The following KCNQ1 variants were observed in gnomAD, a reference collection of about 807,000 sequenced individuals.
KCNQ1 encodes potassium voltage-gated channel subfamily KQT member 1.
KCNQ1 carries 49 observed loss-of-function variants against 72.4 expected under a neutral mutation model. The observed-to-expected ratio is 0.68, with a 90% CI of 0.54 to 0.86. The LOEUF (loss-of-function observed/expected upper bound fraction) is 0.86, where lower values mean the gene tolerates loss of function less well. Ranked by LOEUF, KCNQ1 falls within the 40% of genes least tolerant of loss-of-function variation. The probability of loss-of-function intolerance (pLI) is 0.00; values close to 1 mark genes in which losing one functional copy is unlikely to be tolerated. For missense variants in KCNQ1, 790 were observed against 945.1 expected, an observed-to-expected ratio of 0.84 and a Z score of 2.15; for synonymous variants, 450 against 412.6, an observed-to-expected ratio of 1.09 and a Z score of -1.10.
rs888956599 is a variant in KCNQ1, at chr11:2,668,007, A to G, written c.1514+5926A>G. 5.0e-6 allele frequency: 2 copies of G among 398,562 alleles called. No homozygotes were observed. The highest frequency in any genetic ancestry group is 4.1e-5 in the African/African-American group (2 of 48,626). The allele number at this position is 398,562 out of a possible 1,614,324, so 24.7% of individuals were successfully genotyped here. On this transcript the variant is annotated intron_variant, in intron 11 of 15. Coordinates refer to ENST00000155840, the MANE Select transcript of KCNQ1 (RefSeq NM_000218.3). The surrounding 1 kb of genome is among the most constrained non-coding windows in gnomAD (Gnocchi z 4.3). ...TGTCACTGACCTTGAGATTAACCAC[A>G]GGCCTAACTGCTAGCAGCAAGGACC...
At chr11:2,610,717 T>A (rs1361204857) in intron 10 of KCNQ1, 2 of 42,798 alleles carry the variant, frequency 4.7e-5, no homozygotes, top group Non-Finnish European at 8.9e-5. Context: ...CTTGGTTGGC[T>A]TTTTTTTTTT....
chr11:2,800,099 C>T (rs2134023667), intron 15 of KCNQ1, among the ~76,000 whole-genome samples: 1 of 152,344 alleles, frequency 6.6e-6, no homozygotes, highest in South Asian at 2.1e-4. Flanking sequence ...TGAGCAGATG[C>T]AGACGTCCAC....
chr11:2,700,201 G>C (rs1850776953), intron 11 of KCNQ1, among the ~76,000 whole-genome samples: 1 of 152,208 alleles, frequency 6.6e-6, no homozygotes, highest in East Asian at 1.9e-4. Flanking sequence ...GGCCCAGCGG[G>C]TCCAGCGCCG....
rs146533937 is a variant in KCNQ1 at position 2,536,117 on chromosome 11, A to G, written c.477+8099A>G. 6.6e-3 allele frequency among the ~76,000 whole-genome samples: 1,009 copies of G among 152,298 alleles called. 6 individuals carry two copies. Among genetic ancestry groups the G allele is most frequent in the Non-Finnish European group, 0.011 (753 of 68,018 alleles). ...AGCCCCATGCACAGGCCACGCGGCG[A>G]CAGGGGCTGCTGAAGGAAGGCTGGT... On this transcript the variant is annotated intron_variant, in intron 2 of 15. Transcript: ENST00000155840. The surrounding 1 kb of genome is among the most constrained non-coding windows in gnomAD (Gnocchi z 7.4).
In KCNQ1 at chr11:2,759,891, G is replaced by C. The variant is rs1033971416; in HGVS notation, c.1515-8953G>C. 2.0e-5 allele frequency among the ~76,000 whole-genome samples: 3 copies of C among 152,142 alleles called. No homozygotes were observed. Among genetic ancestry groups the C allele is most frequent in the Admixed American group, 6.5e-5 (1 of 15,286 alleles). ...TGGACCCAAGCCCCAGGACCCCCTG[G>C]AGTCACCTCCAGCCCTCCCACATGC... On this transcript the variant is annotated intron_variant, in intron 11 of 15. Coordinates refer to ENST00000155840, the MANE Select transcript of KCNQ1 (RefSeq NM_000218.3). This position sits in a 1 kb window ranked among gnomAD's most constrained non-coding sequence, Gnocchi z 4.4.
chr11:2,525,291 C>T (rs939640732), intron 1 of KCNQ1, among the ~76,000 whole-genome samples: 1 of 152,256 alleles, frequency 6.6e-6, no homozygotes, highest in African/African-American at 2.4e-5. Context: ...TTCCAACCAA[C>T]CTTTGCTTGT....
rs563833531 is a variant in KCNQ1, at chr11:2,600,973, C to T, written c.1393+12119C>T. 3.0e-4 allele frequency among the ~76,000 whole-genome samples: 45 copies of T among 152,056 alleles called. No homozygotes were observed. The highest frequency in any genetic ancestry group is 9.9e-4 in the African/African-American group (41 of 41,480). On this transcript the variant is annotated intron_variant, in intron 10 of 15. Transcript: ENST00000155840. This position sits in a 1 kb window ranked among gnomAD's most constrained non-coding sequence, Gnocchi z 5.6. ...TTATTAACGATGTTATTTTGATCACCAAATTGAGGCCGTTATCCACTTTTC... is the reference window on the plus strand; with the variant it reads ...TTATTAACGATGTTATTTTGATCACTAAATTGAGGCCGTTATCCACTTTTC...
At chr11:2,485,523 C>A (rs919981458) in intron 1 of KCNQ1, among the ~76,000 whole-genome samples, 1 of 152,120 alleles carries the variant, frequency 6.6e-6, no homozygotes, top group South Asian at 2.1e-4. Context: ...TCTTTAATTG[C>A]GGTAAGATAC....
rs574795913 is a variant in KCNQ1, at chr11:2,508,965, G to C, written c.387-18963G>C. 6.6e-6 allele frequency among the ~76,000 whole-genome samples: 1 copy of C among 152,216 alleles called. No individual in the cohort carries two copies. Among genetic ancestry groups the C allele is most frequent in the Non-Finnish European group, 1.5e-5 (1 of 68,028 alleles). ...GTAGAGCTCCAGCTGGATGAGGGCC[G>C]TGGGGAAGGGGCACAGCCCTGGGCA... On this transcript the variant is annotated intron_variant, in intron 1 of 15. Transcript: ENST00000155840. This position sits in a 1 kb window ranked among gnomAD's most constrained non-coding sequence, Gnocchi z 6.2.
chr11:2,598,461 T>C lies in KCNQ1; in HGVS notation c.1393+9607T>C, dbSNP rs1848760680. 6.6e-6 allele frequency among the ~76,000 whole-genome samples: 1 copy of C among 152,226 alleles called. No homozygotes were observed. Among genetic ancestry groups the C allele is most frequent in the Non-Finnish European group, 1.5e-5 (1 of 68,030 alleles). On this transcript the variant is annotated intron_variant, in intron 10 of 15. Coordinates refer to ENST00000155840, the MANE Select transcript of KCNQ1 (RefSeq NM_000218.3). The surrounding 1 kb of genome is among the most constrained non-coding windows in gnomAD (Gnocchi z 6.2). Reference sequence around the variant, plus strand: ...TATGAAAATAACATCATTATTTTTGTAAATGCTCCACAGACCTCAGAAAAT... The same window carrying C: ...TATGAAAATAACATCATTATTTTTGCAAATGCTCCACAGACCTCAGAAAAT...
rs1180977393 is a variant in KCNQ1 at position 2,475,712 on chromosome 11, T to TG, written c.386+30234dup. On this transcript the variant is annotated intron_variant, in intron 1 of 15. Transcript: ENST00000155840. The surrounding 1 kb of genome is among the most constrained non-coding windows in gnomAD (Gnocchi z 5.8). ...TCCCTGTGTTGTGGGAGGGACCTGG[T>TG]GGGGGGTAATTGAATCACGGGGACG... Among the ~76,000 whole-genome samples, 2 of 152,174 alleles carry TG rather than the reference T, an allele frequency of 1.3e-5. No individual in the cohort carries two copies. Among genetic ancestry groups the TG allele is most frequent in the South Asian group, 4.1e-4 (2 of 4,824 alleles).
intron 15 of KCNQ1, among the ~76,000 whole-genome samples, chr11:2,779,284 C>T (rs1351968599): frequency 1.3e-5 from 2 of 152,224 alleles, no homozygotes; most frequent in African/African-American, 2.4e-5. Context: ...CCGGGGAACA[C>T]GGTGTTTCCC....
At position 2,669,402 on chromosome 11, in the gene KCNQ1, A is replaced by C. The variant is rs1458110194; in HGVS notation, c.1514+7321A>C. ...TTTGGGGCTCCTGAAACATGGCATC[A>C]TGTGTCCCTTGTTTATTTAGGTTGA... On this transcript the variant is annotated intron_variant, in intron 11 of 15. Transcript: ENST00000155840. The surrounding 1 kb of genome is among the most constrained non-coding windows in gnomAD (Gnocchi z 5.6). 5.0e-6 allele frequency: 2 copies of C among 398,512 alleles called. No individual in the cohort carries two copies. Among genetic ancestry groups the C allele is most frequent in the Non-Finnish European group, 8.8e-6 (2 of 226,078 alleles). 24.7% of individuals were successfully genotyped at this position (398,512 alleles called of 1,614,324 possible). A position where few individuals can be genotyped will look rare whatever the true frequency, so the allele number is the denominator to read the frequency against.
At chr11:2,581,712 T>C (rs1375461636) in intron 6 of KCNQ1, among the ~76,000 whole-genome samples, 1 of 152,262 alleles carries the variant, frequency 6.6e-6, no homozygotes, top group African/African-American at 2.4e-5. Flanking sequence ...CCGGGTCGTG[T>C]GTTTCCGTGT....
Position 2,734,877 on chromosome 11 carries a change from C to T in KCNQ1, c.1515-33967C>T, listed in dbSNP as rs1845928830. 1.3e-5 allele frequency among the ~76,000 whole-genome samples: 2 copies of T among 151,892 alleles called. No individual in the cohort carries two copies. Among genetic ancestry groups the T allele is most frequent in the Non-Finnish European group, 2.9e-5 (2 of 67,948 alleles). ...TGGGGCCTGGCTGTGGCTTCCCAGGCCCCGGCTGGGACCACCGCAGAGGTG... is the reference window on the plus strand; with the variant it reads ...TGGGGCCTGGCTGTGGCTTCCCAGGTCCCGGCTGGGACCACCGCAGAGGTG... On this transcript the variant is annotated intron_variant, in intron 11 of 15. Transcript: ENST00000155840. The surrounding 1 kb of genome is among the most constrained non-coding windows in gnomAD (Gnocchi z 7.0).
chr11:2,544,355 T>C lies in KCNQ1; in HGVS notation c.477+16337T>C, dbSNP rs1847874186. Among the ~76,000 whole-genome samples, 1 of 146,912 alleles carries C rather than the reference T, an allele frequency of 6.8e-6. No homozygotes were observed. The highest frequency in any genetic ancestry group is 2.2e-4 in the South Asian group (1 of 4,634). On this transcript the variant is annotated intron_variant, in intron 2 of 15. Coordinates refer to ENST00000155840, the MANE Select transcript of KCNQ1 (RefSeq NM_000218.3). The surrounding 1 kb of genome is among the most constrained non-coding windows in gnomAD (Gnocchi z 4.4). ...ATATGTGTATGTATATGTATATATA[T>C]GTGTATATATATGTGTATATATATG...
At chr11:2,581,888 ATG>A (rs1848504394) in intron 6 of KCNQ1, among the ~76,000 whole-genome samples, 1 of 152,120 alleles carries the variant, frequency 6.6e-6, no homozygotes, top group Non-Finnish European at 1.5e-5. Context: ...GCATGGGGGC[ATG>A]TGTGTGTCTC....
At chr11:2,667,194 C>T (rs576507553) in intron 11 of KCNQ1, 9 of 398,700 alleles carry the variant, frequency 2.3e-5, no homozygotes, top group South Asian at 1.3e-4. Context: ...CCAGCTGTGG[C>T]GGCCCCCCGT....
At chr11:2,558,645 G>T (rs775466305) in intron 2 of KCNQ1, among the ~76,000 whole-genome samples, 1 of 152,202 alleles carries the variant, frequency 6.6e-6, no homozygotes, top group African/African-American at 2.4e-5. Context: ...CCCCCACCCC[G>T]CCGGCTTGCG....
Sources: allele counts gnomAD v4.1 joint callset (sites outside exome capture counted in the v4.1 genomes callset), GRCh38; gene constraint gnomAD v4.1.1; non-coding constraint Gnocchi (gnomAD v3.1); transcripts MANE v1.5; gene names NCBI Gene and HGNC (gene_info 2026-07-23, HGNC 2026-07-21).